Variants in PDE10A observed in about 807,000 individuals in gnomAD.
PDE10A encodes the protein cAMP and cAMP-inhibited cGMP 3',5'-cyclic phosphodiesterase 10A.
PDE10A carries 39 observed loss-of-function variants against 97.7 expected under a neutral mutation model. That is an observed-to-expected ratio of 0.40 (90% CI 0.31 to 0.52). The LOEUF is 0.52. Among genes scored for constraint, PDE10A ranks in the 20% least tolerant of loss-of-function variants. The pLI is 0.56. For synonymous variants in PDE10A, 371 were observed against 376.8 expected (o/e 0.98, Z 0.18); for missense variants, 731 against 1,047.8 (o/e 0.70, Z 4.17).
chr6:165,633,599 C>T (rs1013886141), intron 1 of PDE10A, among the ~76,000 whole-genome samples: 1 of 152,108 alleles, frequency 6.6e-6, no homozygotes, highest in Admixed American at 6.6e-5. Flanking sequence ...TATTAGAGAA[C>T]AGGAATAGTC....
intron 18 of PDE10A, among the ~76,000 whole-genome samples, chr6:165,359,443 C>T (rs961404056): frequency 5.3e-5 from 8 of 152,158 alleles, no homozygotes; most frequent in Admixed American, 2.6e-4. Flanking sequence ...GCAAGAAACA[C>T]GCATCATGTG....
intron 1 of PDE10A, among the ~76,000 whole-genome samples, chr6:165,901,703 G>A (rs1782111330): frequency 6.6e-6 from 1 of 152,318 alleles, no homozygotes; most frequent in East Asian, 1.9e-4. Flanking sequence ...TCGGGAGGCT[G>A]AGGCAGGAGA....
intron 1 of PDE10A, among the ~76,000 whole-genome samples, chr6:165,746,101 T>A (rs150745304): frequency 6.6e-6 from 1 of 152,358 alleles, no homozygotes; most frequent in African/African-American, 2.4e-5. Flanking sequence ...GCCACAAGCA[T>A]CCCAGGAGCT....
At chr6:165,450,422 C>A in intron 3 of PDE10A, 60 bp from the exon 4 acceptor site, 1 of 1,008,188 alleles carries the variant, frequency 9.9e-7, no homozygotes, top group Middle Eastern at 2.2e-4. Flanking sequence ...ACAAAAATTC[C>A]TTAGTCTGTA....
intron 1 of PDE10A, among the ~76,000 whole-genome samples, chr6:165,558,321 G>T (rs1335561481): frequency 1.3e-5 from 2 of 152,108 alleles, no homozygotes; most frequent in African/African-American, 2.4e-5. Flanking sequence ...GGATGAAGCT[G>T]GAAACCATCA....
At chr6:165,452,720 T>C (rs1777703826) in intron 3 of PDE10A, among the ~76,000 whole-genome samples, 1 of 151,974 alleles carries the variant, frequency 6.6e-6, no homozygotes, top group African/African-American at 2.4e-5. Flanking sequence ...CAGCACAAAA[T>C]GGACTAAAAC....
At chr6:165,482,169 C>A in intron 3 of PDE10A, 146 bp downstream of exon 3, 1 of 692,450 alleles carries the variant, frequency 1.4e-6, no homozygotes, top group Admixed American at 2.0e-5. Context: ...TGACTTTATT[C>A]CATATTAATG....
intron 1 of PDE10A, among the ~76,000 whole-genome samples, chr6:165,762,249 G>T (rs567874122): frequency 6.6e-6 from 1 of 152,230 alleles, no homozygotes; most frequent in African/African-American, 2.4e-5. Context: ...GATTTTAGTT[G>T]GTCAGGGAGA....
chr6:165,718,632 C>T (rs1443140130), intron 1 of PDE10A, among the ~76,000 whole-genome samples: 1 of 151,904 alleles, frequency 6.6e-6, no homozygotes, highest in Admixed American at 6.6e-5. Context: ...GTGTATATAC[C>T]CGAACCCCCA....
At chr6:165,525,236 T>A (rs4304141) in intron 2 of PDE10A, among the ~76,000 whole-genome samples, 12,224 of 152,066 alleles carry the variant, frequency 0.08, 818 homozygotes, top group East Asian at 0.19. Flanking sequence ...AGAACAGGCA[T>A]GGGAATGGAT....
chr6:165,794,539 CTCAT>C lies in PDE10A; in HGVS notation c.-615+192986_-615+192989del, dbSNP rs960828079. ...ATACACTCGCACACCCTCACACACA[CTCAT>C]TACACACTCACAAGGTCACTTACAC... is the stretch of plus-strand genomic sequence containing the variant. On this transcript the variant is annotated intron_variant, in intron 1 of 19. Transcript: ENST00000366882. Among the ~76,000 whole-genome samples, 4 of 151,900 alleles carry C rather than the reference CTCAT, an allele frequency of 2.6e-5. No homozygotes were observed. The East Asian group carries it at 5.8e-4, about 22-fold the overall frequency.
chr6:165,379,049 A>T lies in PDE10A; in HGVS notation c.2783+145T>A, dbSNP rs149470303. 2.5e-3 allele frequency: 1,425 copies of T among 575,418 alleles called. 14 individuals are homozygous for T. The African/African-American group carries it at 0.025, about 10-fold the overall frequency. The allele number at this position is 575,418 out of a possible 1,614,324, so 35.6% of individuals were successfully genotyped here. A position where few individuals can be genotyped will look rare whatever the true frequency, so the allele number is the denominator to read the frequency against. ...AACAAAGCATCTAAAGTAAATATAA[A>T]CAAGATGTACATAAAGTGAAAAACA... On this transcript the variant is annotated intron_variant, in intron 18 of 21. Transcript: ENST00000539869.
At chr6:165,534,460 T>C (rs1782960661) in intron 2 of PDE10A, among the ~76,000 whole-genome samples, 1 of 151,964 alleles carries the variant, frequency 6.6e-6, no homozygotes, top group South Asian at 2.1e-4. Context: ...AGGCCAGCAT[T>C]ATCCTGATTC....
At chr6:165,480,286 AT>A (rs1367599559) in intron 3 of PDE10A, among the ~76,000 whole-genome samples, 1 of 152,172 alleles carries the variant, frequency 6.6e-6, no homozygotes, top group Non-Finnish European at 1.5e-5. Context: ...AAAGTACTTC[AT>A]CATAATTAGA....
At chr6:165,800,593 C>T (rs1256652358) in intron 1 of PDE10A, among the ~76,000 whole-genome samples, 1 of 152,164 alleles carries the variant, frequency 6.6e-6, no homozygotes, top group Non-Finnish European at 1.5e-5. Flanking sequence ...GCCTGAGGGC[C>T]CATGGAAACC....
At chr6:165,607,333 A>T (rs1258550455) in intron 1 of PDE10A, among the ~76,000 whole-genome samples, 1 of 152,238 alleles carries the variant, frequency 6.6e-6, no homozygotes, top group Non-Finnish European at 1.5e-5. Context: ...TATTATAACG[A>T]AGCTTAAAAA....
chr6:165,941,262 G>A (rs1327311184), intron 1 of PDE10A, among the ~76,000 whole-genome samples: 1 of 152,162 alleles, frequency 6.6e-6, no homozygotes, highest in Non-Finnish European at 1.5e-5. Flanking sequence ...GGAGTGCTTA[G>A]CAATTCATTA....
chr6:165,565,501 T>C (rs1056666532), intron 1 of PDE10A, among the ~76,000 whole-genome samples: 4 of 152,142 alleles, frequency 2.6e-5, no homozygotes, highest in Non-Finnish European at 5.9e-5. Flanking sequence ...AGACTCAATA[T>C]TGTCAAGATG....
chr6:165,368,664 A>G (rs1259541349), intron 18 of PDE10A, among the ~76,000 whole-genome samples: 1 of 152,176 alleles, frequency 6.6e-6, no homozygotes. Context: ...ACTAAACAGT[A>G]CATTAAAAAG....
Sources: gnomAD v4.1 joint callset for allele counts (sites outside exome capture counted in the v4.1 genomes callset) on GRCh38, gnomAD v4.1.1 for gene constraint, MANE v1.5 for transcripts, NCBI Gene and HGNC (gene_info 2026-07-23, HGNC 2026-07-21) for gene names.